DOCK10: variants seen among roughly 807,000 people sequenced by gnomAD.
DOCK10 encodes dedicator of cytokinesis 10, also known as dedicator of cytokinesis protein 10.
DOCK10 carries 145 observed loss-of-function variants against 280.1 expected under a neutral mutation model. The ratio of observed to expected loss-of-function variants is 0.52; its 90% CI spans 0.45 to 0.59. The LOEUF is 0.59. Ranked by LOEUF, DOCK10 falls within the 20% of genes least tolerant of loss-of-function variation. The pLI is 0.00. For synonymous variants in DOCK10, 915 were observed against 942.2 expected (o/e 0.97, Z 0.53); for missense variants, 2,368 against 2,651.7 (o/e 0.89, Z 2.35).
chr2:224,946,834 T>C, intron 1 of DOCK10: 1 of 1,514,286 alleles, frequency 6.6e-7, no homozygotes. Context: ...AACATTGACA[T>C]TTGGATACCT....
At chr2:224,998,394 T>C (rs534922108) in intron 1 of DOCK10, among the ~76,000 whole-genome samples, 3 of 152,310 alleles carry the variant, frequency 2.0e-5, no homozygotes, top group East Asian at 1.9e-4. Context: ...GTATTATTTG[T>C]ATTCTTCTTG....
chr2:224,949,491 C>T (rs1250363697), intron 1 of DOCK10, among the ~76,000 whole-genome samples: 1 of 152,128 alleles, frequency 6.6e-6, no homozygotes, highest in Admixed American at 6.5e-5. Context: ...AAGCTTGTAT[C>T]CTACAGAGGA....
chr2:224,840,973 C>T (rs1695922976), intron 23 of DOCK10, among the ~76,000 whole-genome samples: 1 of 152,014 alleles, frequency 6.6e-6, no homozygotes, highest in African/African-American at 2.4e-5. Context: ...ATGGAGGAAC[C>T]CGGAGTATAT....
intron 15 of DOCK10, among the ~76,000 whole-genome samples, chr2:224,856,376 C>T (rs1409801663): frequency 6.6e-6 from 1 of 152,096 alleles, no homozygotes; most frequent in Non-Finnish European, 1.5e-5. Flanking sequence ...TTTCATGCTT[C>T]AGCATACTGG....
chr2:224,948,147 T>C (rs893096856), intron 1 of DOCK10, among the ~76,000 whole-genome samples: 7 of 152,222 alleles, frequency 4.6e-5, no homozygotes, highest in African/African-American at 1.2e-4. Context: ...TTAGATTTAG[T>C]TGATAGGCAC....
chr2:224,821,319 A>G (rs1469296301), intron 28 of DOCK10, among the ~76,000 whole-genome samples: 3 of 152,200 alleles, frequency 2.0e-5, no homozygotes, highest in Admixed American at 6.5e-5. Context: ...GTATTTGCTA[A>G]TGTAGACTTC....
Position 224,849,580 on chromosome 2 carries a change from C to G in DOCK10, c.2162G>C (p.Gly721Ala), listed in dbSNP as rs1696592429. 1 of 1,607,812 alleles carries G rather than the reference C, an allele frequency of 6.2e-7. No homozygotes were observed. The highest frequency in any genetic ancestry group is 8.5e-7 in the Non-Finnish European group (1 of 1,176,976). Residue 721 changes from glycine (G) to alanine (A), a missense_variant, in exon 19 of 56, where the codon GGA becomes GCA. This residue lies in a region of DOCK10 where 1,209 missense variants were observed against 1,250.9 expected (regional missense o/e 0.97). Transcript: ENST00000258390. ...KPLKCIYGKP[G>A]GPLFTSAAYT... Reference sequence around the variant, plus strand: ...GGCGGCTGAGGTGAAGAGGGGCCCTCCAGGTTTTCCATAAATACACTGTTT... The same window carrying G: ...GGCGGCTGAGGTGAAGAGGGGCCCTGCAGGTTTTCCATAAATACACTGTTT...
At chr2:225,003,642 T>G (rs558624705) in intron 1 of DOCK10, among the ~76,000 whole-genome samples, 38 of 152,370 alleles carry the variant, frequency 2.5e-4, no homozygotes, top group African/African-American at 9.1e-4. Flanking sequence ...ATTAAAAGTT[T>G]TATCTAATAG....
At chr2:224,881,233 T>C (rs1018354868) in intron 7 of DOCK10, among the ~76,000 whole-genome samples, 4 of 152,204 alleles carry the variant, frequency 2.6e-5, no homozygotes, top group African/African-American at 7.2e-5. Flanking sequence ...TTACTTGTTT[T>C]CTTTGCATGT....
intron 1 of DOCK10, among the ~76,000 whole-genome samples, chr2:224,938,890 C>T (rs1268306212): frequency 6.6e-6 from 1 of 152,210 alleles, no homozygotes; most frequent in East Asian, 1.9e-4. Flanking sequence ...AACAAGGCTA[C>T]TTTTTCCTAC....
intron 14 of DOCK10, among the ~76,000 whole-genome samples, chr2:224,859,408 T>C (rs146257716): frequency 6.6e-6 from 1 of 152,084 alleles, no homozygotes; most frequent in Non-Finnish European, 1.5e-5. Flanking sequence ...CCTGACACAT[T>C]TGGAAGGGTC....
intron 2 of DOCK10, among the ~76,000 whole-genome samples, chr2:224,921,056 A>ACCAGC (rs1455800838): frequency 2.9e-5 from 4 of 139,464 alleles, no homozygotes; most frequent in African/African-American, 1.1e-4. Context: ...AGAGTTTGAG[A>ACCAGC]CCAGCCTGGC....
At chr2:224,995,497 G>A (rs913831914) in intron 1 of DOCK10, among the ~76,000 whole-genome samples, 12 of 152,230 alleles carry the variant, frequency 7.9e-5, no homozygotes, top group Non-Finnish European at 1.5e-4. Context: ...GCCTCTTGTA[G>A]TTGTTTCTGG....
Position 224,786,735 on chromosome 2 carries a change from G to T in DOCK10, c.5655+287C>A, listed in dbSNP as rs1691755924. On this transcript the variant is annotated intron_variant, in intron 50 of 55. Transcript: ENST00000258390. The surrounding 1 kb of genome is among the most constrained non-coding windows in gnomAD (Gnocchi z 4.7). ...TAAACTTATAATTAGATATTTTAGG[G>T]TGAGCTGGAAAGAAGAGAGTGTTGA... is the stretch of plus-strand genomic sequence containing the variant. Among the ~76,000 whole-genome samples, 1 of 152,092 alleles carries T rather than the reference G, an allele frequency of 6.6e-6. No homozygotes were observed. Among genetic ancestry groups the T allele is most frequent in the South Asian group, 2.1e-4 (1 of 4,820 alleles).
At chr2:224,808,453 G>A (rs1038928624) in intron 31 of DOCK10, among the ~76,000 whole-genome samples, 1 of 152,148 alleles carries the variant, frequency 6.6e-6, no homozygotes, top group Admixed American at 6.5e-5. Flanking sequence ...GATACTTGAA[G>A]TTTGGAGGTG....
intron 1 of DOCK10, among the ~76,000 whole-genome samples, chr2:224,950,684 T>C (rs551965074): frequency 1.3e-5 from 2 of 152,160 alleles, no homozygotes; most frequent in Non-Finnish European, 2.9e-5. Context: ...CAGAAGATTG[T>C]CAAAAGGGAA....
chr2:225,033,463 G>A (rs1402883587), intron 1 of DOCK10, among the ~76,000 whole-genome samples: 2 of 152,176 alleles, frequency 1.3e-5, no homozygotes, highest in African/African-American at 2.4e-5. Flanking sequence ...GATTACAGGT[G>A]TGAGCCACTG....
intron 15 of DOCK10, among the ~76,000 whole-genome samples, chr2:224,855,617 G>A (rs1202683052): frequency 2.0e-5 from 3 of 152,054 alleles, no homozygotes; most frequent in African/African-American, 4.8e-5. Flanking sequence ...TGCACTCCCC[G>A]GCTCAAGTCC....
chr2:225,032,911 A>G (rs1237999867), intron 1 of DOCK10, among the ~76,000 whole-genome samples: 1 of 152,210 alleles, frequency 6.6e-6, no homozygotes, highest in African/African-American at 2.4e-5. Context: ...GACAGCCTCA[A>G]TTAGTCATTT....
Sources: gnomAD v4.1 joint callset for allele counts (sites outside exome capture counted in the v4.1 genomes callset) on GRCh38, gnomAD v4.1.1 for gene constraint, gnomAD v4.1.1 regional missense constraint, Gnocchi (gnomAD v3.1) non-coding constraint, MANE v1.5 for transcripts, NCBI Gene and HGNC (gene_info 2026-07-23, HGNC 2026-07-21) for gene names.